CSMD1: variants seen among roughly 807,000 people sequenced by gnomAD.
CSMD1 encodes CUB and sushi domain-containing protein 1.
In CSMD1, 213 loss-of-function variants were observed where a neutral mutation model predicts 417.5. That is an observed-to-expected ratio of 0.51 (90% confidence interval 0.46 to 0.57). The LOEUF (loss-of-function observed/expected upper bound fraction) is 0.57, where lower values mean the gene tolerates loss of function less well. CSMD1 is among the 20% of genes least tolerant of loss of function. The pLI is 0.00. For synonymous variants in CSMD1, 2,862 were observed against 1,736.8 expected, an observed-to-expected ratio of 1.65 and a Z score of -16.11; for missense variants, 6,923 against 4,529.7, an observed-to-expected ratio of 1.53 and a Z score of -15.17.
At chr8:2,945,060 G>C (rs1485208644) in intron 68 of CSMD1, among the ~76,000 whole-genome samples, 1 of 151,824 alleles carries the variant, frequency 6.6e-6, no homozygotes, top group Non-Finnish European at 1.5e-5. Flanking sequence ...TACTTGCCTT[G>C]TTTTAATAAT....
chr8:3,603,538 C>G (rs760835883), intron 8 of CSMD1, among the ~76,000 whole-genome samples: 45 of 152,100 alleles, frequency 3.0e-4, no homozygotes, highest in Non-Finnish European at 5.1e-4. Context: ...GAAATGAACA[C>G]TGGTTCAAGA....
At chr8:4,335,996 C>T (rs950475021) in intron 3 of CSMD1, among the ~76,000 whole-genome samples, 3 of 152,142 alleles carry the variant, frequency 2.0e-5, no homozygotes, top group African/African-American at 7.2e-5. Context: ...GCCCCGCTCA[C>T]TGTCAAGTTA....
At chr8:3,819,451 T>G (rs1181549627) in intron 5 of CSMD1, among the ~76,000 whole-genome samples, 2 of 152,078 alleles carry the variant, frequency 1.3e-5, no homozygotes, top group Non-Finnish European at 2.9e-5. Context: ...CTAGAAGTGC[T>G]TCCAACTTCA....
intron 41 of CSMD1, among the ~76,000 whole-genome samples, chr8:3,120,029 G>C (rs541470471): frequency 6.6e-6 from 1 of 152,270 alleles, no homozygotes; most frequent in South Asian, 2.1e-4. Context: ...CTTAACCATT[G>C]ACAATATTGG....
chr8:4,042,389 T>C (rs140387172), intron 3 of CSMD1, among the ~76,000 whole-genome samples: 24 of 152,250 alleles, frequency 1.6e-4, no homozygotes, highest in African/African-American at 3.6e-4. Flanking sequence ...CAGCAACTTA[T>C]AGGAAGTACT....
At chr8:3,373,337 C>A (rs74836809) in intron 18 of CSMD1, 4 of 152,218 alleles carry the variant, frequency 2.6e-5, no homozygotes, top group African/African-American at 9.7e-5. Flanking sequence ...CCCCGTCATG[C>A]TGCCATCAGG....
At position 3,656,188 on chromosome 8, in the gene CSMD1, T is replaced by A. The variant is rs543082086; in HGVS notation, c.1010-39391A>T. On this transcript the variant is annotated intron_variant, in intron 7 of 69. Transcript: ENST00000635120. The stretch of plus-strand genomic sequence containing the variant: ...GTACAGCTCAAGTGAGAATGTTTCC[T>A]ACCAGAGCTATTCAGAAGCCGCTGT... 4.6e-5 allele frequency among the ~76,000 whole-genome samples: 7 copies of A among 152,280 alleles called. 1 individual carries two copies. Among genetic ancestry groups the A allele is most frequent in the African/African-American group, 1.7e-4 (7 of 41,574 alleles).
rs183102294 is a variant in CSMD1 at position 4,491,342 on chromosome 8, G to T, written c.303-71277C>A. Among the ~76,000 whole-genome samples, 95 of 152,246 alleles carry T rather than the reference G, an allele frequency of 6.2e-4. 1 individual carries two copies. Among genetic ancestry groups the T allele is most frequent in the Non-Finnish European group, 3.4e-4 (23 of 68,006 alleles). On this transcript the variant is annotated intron_variant, in intron 2 of 69. Transcript: ENST00000635120. ...TATCTGGAAGGGGACAAGTCTGGGCGCACGTGTCCAGGATTTTCTAGCAAC... is the reference window on the plus strand; with the variant it reads ...TATCTGGAAGGGGACAAGTCTGGGCTCACGTGTCCAGGATTTTCTAGCAAC...
At chr8:3,668,445 T>C (rs1322889522) in intron 7 of CSMD1, among the ~76,000 whole-genome samples, 1 of 151,900 alleles carries the variant, frequency 6.6e-6, no homozygotes, top group Non-Finnish European at 1.5e-5. Flanking sequence ...GAGATGAGGG[T>C]TTATTCAGGT....
intron 63 of CSMD1, among the ~76,000 whole-genome samples, chr8:2,957,418 C>A (rs75672852): frequency 0.021 from 3,217 of 152,134 alleles, 97 homozygotes; most frequent in African/African-American, 0.072. Flanking sequence ...TCTCCTGGAG[C>A]GCTTGTTAAA....
intron 26 of CSMD1, among the ~76,000 whole-genome samples, chr8:3,274,958 T>G (rs1165717835): frequency 1.3e-5 from 2 of 152,202 alleles, no homozygotes; most frequent in Non-Finnish European, 2.9e-5. Flanking sequence ...TGTGTGAATT[T>G]GATCCTGTCA....
chr8:4,906,980 A>T (rs988734716), intron 1 of CSMD1, among the ~76,000 whole-genome samples: 3 of 152,198 alleles, frequency 2.0e-5, no homozygotes, highest in Non-Finnish European at 4.4e-5. Context: ...ATATAGCACA[A>T]TTGTACTTAT....
rs1392746655 is a variant in CSMD1 at position 4,744,806 on chromosome 8, T to C, written c.86-107248A>G. Among the ~76,000 whole-genome samples, 3 of 152,066 alleles carry C rather than the reference T, an allele frequency of 2.0e-5. 1 individual carries two copies. The highest frequency in any genetic ancestry group is 2.0e-4 in the Admixed American group (3 of 15,262). On this transcript the variant is annotated intron_variant, in intron 1 of 69. Transcript: ENST00000635120. ...AATTTCTTCATTAACTTCCAAGGAG[T>C]AAAAAACATAAAACACCCATAAGAA...
chr8:4,727,376 C>T lies in CSMD1; in HGVS notation c.86-89818G>A, dbSNP rs192376334. On this transcript the variant is annotated intron_variant, in intron 1 of 69. Coordinates refer to ENST00000635120, the MANE Select transcript of CSMD1 (RefSeq NM_033225.6). Reference sequence around the variant, plus strand: ...ATGTTCACAAAAACACTAATGCTCTCCATTGAAAGCTTTGGAAAACTCCAT... The same window carrying T: ...ATGTTCACAAAAACACTAATGCTCTTCATTGAAAGCTTTGGAAAACTCCAT... Among the ~76,000 whole-genome samples, 420 of 152,274 alleles carry T rather than the reference C, an allele frequency of 2.8e-3. 2 individuals carry two copies. The highest frequency in any genetic ancestry group is 9.2e-3 in the African/African-American group (382 of 41,544).
At chr8:3,037,482 T>G (rs34661755) in intron 50 of CSMD1, among the ~76,000 whole-genome samples, 31,989 of 151,940 alleles carry the variant, frequency 0.21, 4,077 homozygotes, top group Non-Finnish European at 0.29. Context: ...CCGCACTTTC[T>G]TTATCCACTC....
chr8:4,721,072 G>C (rs1809023958), intron 1 of CSMD1, among the ~76,000 whole-genome samples: 1 of 152,268 alleles, frequency 6.6e-6, no homozygotes, highest in Non-Finnish European at 1.5e-5. Flanking sequence ...CCTCTCAAGA[G>C]TAACATGAGG....
At chr8:3,916,886 C>G (rs1043141236) in intron 5 of CSMD1, among the ~76,000 whole-genome samples, 3 of 149,738 alleles carry the variant, frequency 2.0e-5, no homozygotes, top group Non-Finnish European at 4.5e-5. Context: ...CCTAGCTGGT[C>G]ATGAAACAGA....
chr8:2,974,375 C>A, intron 56 of CSMD1, 76 bp downstream of exon 56: 2 of 1,293,012 alleles, frequency 1.5e-6, no homozygotes, highest in Non-Finnish European at 2.1e-6. Context: ...AACTGTAAAT[C>A]ATCATTATTT....
intron 6 of CSMD1, among the ~76,000 whole-genome samples, chr8:3,712,566 C>T (rs746636168): frequency 1.3e-5 from 2 of 152,118 alleles, no homozygotes; most frequent in Non-Finnish European, 2.9e-5. Flanking sequence ...CTCAGATCTT[C>T]GAATGAATGA....
Sources: allele counts gnomAD v4.1 joint callset (sites outside exome capture counted in the v4.1 genomes callset), GRCh38; gene constraint gnomAD v4.1.1; transcripts MANE v1.5; gene names NCBI Gene and HGNC (gene_info 2026-07-23, HGNC 2026-07-21).